HIVEP2: variants seen among roughly 807,000 people sequenced by gnomAD.
The protein encoded by HIVEP2 is HIVEP zinc finger 2, also known as transcription factor HIVEP2.
HIVEP2 carries 14 observed loss-of-function variants against 180.7 expected under a neutral mutation model. The ratio of observed to expected loss-of-function variants is 0.08; its 90% CI spans 0.05 to 0.12. The LOEUF (loss-of-function observed/expected upper bound fraction) is 0.12, where lower values mean the gene tolerates loss of function less well. Among genes scored for constraint, HIVEP2 ranks in the 10% least tolerant of loss-of-function variants. The pLI is 1.00. For missense variants in HIVEP2, 2,579 were observed against 3,008.5 expected, an observed-to-expected ratio of 0.86 and a Z score of 3.34; for synonymous variants, 1,184 against 1,136.4, an observed-to-expected ratio of 1.04 and a Z score of -0.84.
intron 1 of HIVEP2, among the ~76,000 whole-genome samples, chr6:142,936,444 C>T (rs929645761): frequency 2.6e-5 from 4 of 151,920 alleles, no homozygotes; most frequent in Admixed American, 2.0e-4. Context: ...CCCACCTCAG[C>T]GTCCCAAAAT....
intron 1 of HIVEP2, among the ~76,000 whole-genome samples, chr6:142,909,846 C>T (rs916457256): frequency 6.6e-6 from 1 of 152,180 alleles, no homozygotes; most frequent in African/African-American, 2.4e-5. Flanking sequence ...GGGGGAAACA[C>T]AGTAACAGCT....
Position 142,770,568 on chromosome 6 carries a change from T to A in HIVEP2, c.4171A>T (p.Ile1391Phe). Residue 1391 changes from isoleucine to phenylalanine, a missense_variant, in exon 5 of 10, where the codon ATT becomes TTT. Ile to Phe is a conservative substitution (Grantham distance 21, BLOSUM62 0). Transcript: ENST00000367603. The surrounding 1 kb of genome is among the most constrained non-coding windows in gnomAD (Gnocchi z 4.7). ...NAAMQGIGFN[I>F]AQVLGQHAGL... is the part of the protein sequence containing the mutation. ...GCATGCTGCCCCAGCACCTGGGCAA[T>A]GTTGAATCCTATCCCTTGCATGGCT... is the stretch of plus-strand genomic sequence containing the variant. 1 of 1,614,198 alleles carries A rather than the reference T, an allele frequency of 6.2e-7. No individual in the cohort carries two copies.
At chr6:142,761,124 T>C (rs572944128) in intron 8 of HIVEP2, among the ~76,000 whole-genome samples, 2 of 152,346 alleles carry the variant, frequency 1.3e-5, no homozygotes, top group African/African-American at 4.8e-5. Flanking sequence ...TTAACTTGAA[T>C]AATAATACAT....
chr6:142,831,607 A>G (rs570344498), intron 2 of HIVEP2, among the ~76,000 whole-genome samples: 1 of 152,282 alleles, frequency 6.6e-6, no homozygotes, highest in Admixed American at 6.5e-5. Context: ...AATTTATCTC[A>G]TTAAATTTTT....
At chr6:142,843,484 T>C (rs535413256) in intron 1 of HIVEP2, among the ~76,000 whole-genome samples, 116 of 152,294 alleles carry the variant, frequency 7.6e-4, no homozygotes, top group Non-Finnish European at 1.5e-3. Context: ...TAGAGCAAGC[T>C]GGACGTGTGC....
rs1562498127 is a variant in HIVEP2, at chr6:142,760,613, G to A, written c.5675C>T (p.Ser1892Leu). ...AGCATCGGAGAACTGATGATCAGTT[G>A]AAATGCTGGACATGCTATGCTTCTC... ...AAEKHSMSSI[S>L]TDHQFSDAEE... The change falls in exon 9 of 10, where the codon TCA becomes TTA. Residue 1892 changes from serine to leucine, a missense_variant. Transcript: ENST00000367603. The A allele has an allele frequency of 6.2e-7, 1 of 1,613,516 alleles. No individual in the cohort carries two copies. The highest frequency in any genetic ancestry group is 1.7e-5 in the Admixed American group (1 of 59,996).
intron 2 of HIVEP2, among the ~76,000 whole-genome samples, chr6:142,818,712 AAAGAAAGAAAAGAAAGAAAGAAAAGAAAG>A (rs1776921484): frequency 1.6e-5 from 1 of 64,018 alleles, no homozygotes; most frequent in African/African-American, 4.8e-5. Context: ...AGAAAGAAAG[AAAGAAAGAAAAGAAAGAAAGAAAAGAAAG>A]AAAGAAAGAA....
intron 1 of HIVEP2, among the ~76,000 whole-genome samples, chr6:142,930,727 T>C (rs926356336): frequency 1.3e-5 from 2 of 152,202 alleles, no homozygotes; most frequent in South Asian, 2.1e-4. Flanking sequence ...TACTTCAGAA[T>C]AGGCCCTCAA....
intron 1 of HIVEP2, among the ~76,000 whole-genome samples, chr6:142,874,476 C>T (rs1776375603): frequency 6.6e-6 from 1 of 152,024 alleles, no homozygotes; most frequent in African/African-American, 2.4e-5. Flanking sequence ...AGACAGCACA[C>T]CCTTATTGAA....
At position 142,830,565 on chromosome 6, in the gene HIVEP2, G is replaced by A. The variant is rs571712757; in HGVS notation, c.-528+6370C>T. 8.6e-5 allele frequency among the ~76,000 whole-genome samples: 13 copies of A among 152,040 alleles called. No individual in the cohort carries two copies. The South Asian group carries it at 2.5e-3, about 29-fold the overall frequency. Reference sequence around the variant, plus strand: ...TAAACTCTTGGGAAATATTTAAGGAGCTGAAAAAAAACAGCAAAAAGAGGA... The same window carrying A: ...TAAACTCTTGGGAAATATTTAAGGAACTGAAAAAAAACAGCAAAAAGAGGA... On this transcript the variant is annotated intron_variant, in intron 2 of 9. Transcript: ENST00000367603.
In HIVEP2 at chr6:142,759,023, C is replaced by T. The variant is rs576603595; in HGVS notation, c.6516+749G>A. ...TATTAAAAAAAGGAGTTTTTGAGGC[C>T]AGGCGCAGTGGCTCATGTCTGTAAT... is the stretch of plus-strand genomic sequence containing the variant. On this transcript the variant is annotated intron_variant, in intron 9 of 9. Transcript: ENST00000367603. Among the ~76,000 whole-genome samples the T allele has an allele frequency of 5.9e-5, 9 of 152,198 alleles. No individual in the cohort carries two copies. The East Asian group carries it at 7.7e-4, about 13-fold the overall frequency.
At chr6:142,850,095 CTG>C (rs752700013) in intron 1 of HIVEP2, among the ~76,000 whole-genome samples, 2 of 152,114 alleles carry the variant, frequency 1.3e-5, no homozygotes, top group Non-Finnish European at 2.9e-5. Flanking sequence ...GTGGTCGAAA[CTG>C]TGAAGCAGTT....
At chr6:142,836,540 A>C (rs1303566709) in intron 2 of HIVEP2, among the ~76,000 whole-genome samples, 1 of 152,182 alleles carries the variant, frequency 6.6e-6, no homozygotes, top group Non-Finnish European at 1.5e-5. Flanking sequence ...AAAGATGCTA[A>C]TTTACTTCAA....
Position 142,770,072 on chromosome 6 carries a change from G to C in HIVEP2, c.4667C>G (p.Ser1556Cys). Residue 1556 changes from serine to cysteine, a missense_variant, in exon 5 of 10, where the codon TCC (serine) becomes TGC (cysteine). Physicochemically the swap from Ser to Cys is moderately radical, Grantham distance 112 (BLOSUM62 -1). Coordinates refer to ENST00000367603, the MANE Select transcript of HIVEP2 (RefSeq NM_006734.4). This position sits in a 1 kb window ranked among gnomAD's most constrained non-coding sequence, Gnocchi z 4.7. ...TTCTTTGCTTTCAGAAGGCCCACTG[G>C]ACTTCTGCCCCGGAAGTGGTGCCCG... The part of the protein sequence containing the change: ...GSRAPLPGQK[S>C]SGPSESKESS... 1.2e-6 allele frequency: 2 copies of C among 1,614,178 alleles called. No individual in the cohort carries two copies. The highest frequency in any genetic ancestry group is 1.7e-6 in the Non-Finnish European group (2 of 1,180,034).
Position 142,773,527 on chromosome 6 carries a change from T to G in HIVEP2, c.1212A>C (p.Ser404=), listed in dbSNP as rs1266300288. 3 of 1,614,154 alleles carry G rather than the reference T, an allele frequency of 1.9e-6. No individual in the cohort carries two copies. In the Admixed American group the frequency reaches 5.0e-5, roughly 27 times the overall value. The change falls in exon 5 of 10, where the codon TCA becomes TCC. Residue 404 remains serine, a synonymous_variant. Transcript: ENST00000367603. ...GSTDSGYFSR[S]ESAEQQISPP... is the part of the protein sequence containing the mutation. Reference sequence around the variant, plus strand: ...GGCTTATTTGCTGCTCAGCACTTTCTGAGCGAGAAAAGTAACCAGAATCAG... The same window carrying G: ...GGCTTATTTGCTGCTCAGCACTTTCGGAGCGAGAAAAGTAACCAGAATCAG...
At chr6:142,818,645 G>A (rs1776911770) in intron 2 of HIVEP2, among the ~76,000 whole-genome samples, 1 of 147,144 alleles carries the variant, frequency 6.8e-6, no homozygotes, top group African/African-American at 2.5e-5. Context: ...TTCTAGCCTG[G>A]GGGACAGAGT....
At chr6:142,757,704 A>G (rs1775112733) in intron 9 of HIVEP2, among the ~76,000 whole-genome samples, 1 of 152,168 alleles carries the variant, frequency 6.6e-6, no homozygotes, top group Non-Finnish European at 1.5e-5. Flanking sequence ...AAAATGAAAC[A>G]AAACAAAAAC....
At chr6:142,755,782 T>G (rs1265575220) in intron 9 of HIVEP2, among the ~76,000 whole-genome samples, 1 of 152,212 alleles carries the variant, frequency 6.6e-6, no homozygotes, top group Non-Finnish European at 1.5e-5. Flanking sequence ...AATTCAGCCC[T>G]TCACTGATTT....
chr6:142,882,695 A>G (rs549138993), intron 1 of HIVEP2, among the ~76,000 whole-genome samples: 1 of 152,200 alleles, frequency 6.6e-6, no homozygotes, highest in African/African-American at 2.4e-5. Context: ...AGCTTTAGCA[A>G]TGGGTCATTC....
Sources: allele counts gnomAD v4.1 joint callset (sites outside exome capture counted in the v4.1 genomes callset), GRCh38; gene constraint gnomAD v4.1.1; non-coding constraint Gnocchi (gnomAD v3.1); transcripts MANE v1.5; gene names NCBI Gene and HGNC (gene_info 2026-07-23, HGNC 2026-07-21).